UTP20: variants seen among roughly 807,000 people sequenced by gnomAD.
The protein encoded by UTP20 is UTP20 small subunit processome component.
In UTP20, 164 loss-of-function variants were observed where a neutral mutation model predicts 329.5. That is an observed-to-expected ratio of 0.50 (90% CI 0.44 to 0.57). The LOEUF is 0.57. Ranked by LOEUF, UTP20 falls within the 20% of genes least tolerant of loss-of-function variation. The pLI, the probability that UTP20 is intolerant of heterozygous loss-of-function variation, is 0.00. For synonymous variants in UTP20, 1,151 were observed against 1,159.3 expected, an observed-to-expected ratio of 0.99 and a Z score of 0.14; for missense variants, 3,055 against 3,284.2, an observed-to-expected ratio of 0.93 and a Z score of 1.71.
chr12:101,313,545 T>G (rs1163883536), intron 21 of UTP20, among the ~76,000 whole-genome samples: 1 of 151,944 alleles, frequency 6.6e-6, no homozygotes, highest in East Asian at 1.9e-4. Flanking sequence ...GAGAGACCAG[T>G]CATGAGGAGA....
chr12:101,297,596 G>A (rs1367620769), intron 12 of UTP20, among the ~76,000 whole-genome samples: 3 of 152,178 alleles, frequency 2.0e-5, no homozygotes, highest in Non-Finnish European at 4.4e-5. Context: ...AATCTTGTTG[G>A]TTTTTAAATG....
At chr12:101,341,345 A>C (rs1869128731) in intron 32 of UTP20, among the ~76,000 whole-genome samples, 1 of 152,116 alleles carries the variant, frequency 6.6e-6, no homozygotes. Context: ...TAATATTCAG[A>C]CACAGCTAAG....
In UTP20 at chr12:101,342,870, A is replaced by G. The variant is rs766007508; in HGVS notation, c.4296+33A>G. On this transcript the variant is annotated intron_variant, in intron 34 of 61. Coordinates refer to ENST00000261637, the MANE Select transcript of UTP20 (RefSeq NM_014503.3). ...AGAAGGGTTTCTCTTTGGCTTCAAAAGTATTATCATTTTTGTTTACTGAAG... is the reference window on the plus strand; with the variant it reads ...AGAAGGGTTTCTCTTTGGCTTCAAAGGTATTATCATTTTTGTTTACTGAAG... The G allele has an allele frequency of 3.7e-6, 6 of 1,610,362 alleles. No individual in the cohort carries two copies. In the East Asian group the frequency reaches 1.1e-4, roughly 30 times the overall value.
rs1316684191 is a variant in UTP20, at chr12:101,286,190, AT to A, written c.327-126del. ...ATCTTAAGATTTAAAGAATTTTATA[AT>A]TTTTCAGACTTGATTTAGAAGTATT... On this transcript the variant is annotated intron_variant, in intron 4 of 61. Transcript: ENST00000261637. The A allele has an allele frequency of 5.4e-6, 5 of 920,750 alleles. No homozygotes were observed. The African/African-American group carries it at 8.4e-5, about 16-fold the overall frequency. The allele number at this position is 920,750 out of a possible 1,614,324, so 57.0% of individuals were successfully genotyped here.
chr12:101,341,095 C>T (rs1869117241), intron 32 of UTP20, among the ~76,000 whole-genome samples: 1 of 151,522 alleles, frequency 6.6e-6, no homozygotes. Context: ...CCTGCCTCAG[C>T]CTCCCAAGTA....
At position 101,365,571 on chromosome 12, in the gene UTP20, T is replaced by C. The variant is rs1565805774; in HGVS notation, c.6071T>C (p.Leu2024Ser). ...GAAATGACAGCTGAATCCATTCTAT[T>C]ACTCAGTTATGGTTTGATCAGTGAA... ...NQEMTAESIL[L>S]LSYGLISENL... The change falls in exon 46 of 62, where the codon TTA becomes TCA. Residue 2024 changes from leucine to serine, a missense_variant. Around this residue, in one of 3 missense-constraint regions of UTP20, gnomAD observed 2,445 missense variants for 2,575.5 expected, o/e 0.95. Coordinates refer to ENST00000261637, the MANE Select transcript of UTP20 (RefSeq NM_014503.3). The C allele has an allele frequency of 1.2e-6, 2 of 1,612,126 alleles. No homozygotes were observed. Among genetic ancestry groups the C allele is most frequent in the East Asian group, 2.2e-5 (1 of 44,796 alleles).
chr12:101,321,656 T>C (rs1482327754), intron 25 of UTP20, 27 bp downstream of exon 25: 1 of 1,606,194 alleles, frequency 6.2e-7, no homozygotes, highest in Admixed American at 1.7e-5. Flanking sequence ...AACACTGATT[T>C]TTAAAAAGTT....
chr12:101,352,235 T>C, intron 39 of UTP20, 41 bp downstream of exon 39: 1 of 1,580,672 alleles, frequency 6.3e-7, no homozygotes, highest in Admixed American at 1.9e-5. Flanking sequence ...TTTTTAAATG[T>C]AATTTATGGC....
intron 48 of UTP20, among the ~76,000 whole-genome samples, chr12:101,369,010 A>C (rs546703108): frequency 6.6e-6 from 1 of 152,374 alleles, no homozygotes; most frequent in Admixed American, 6.5e-5. Flanking sequence ...TTAGAGGTTC[A>C]GGGATCTCAG....
chr12:101,311,641 CTCT>C (rs1411719749), intron 19 of UTP20, 75 bp from the exon 20 acceptor site: 2 of 1,234,126 alleles, frequency 1.6e-6, no homozygotes, highest in Non-Finnish European at 2.2e-6. Context: ...TATCCTTTCA[CTCT>C]TTTTTTTTTT....
intron 47 of UTP20, among the ~76,000 whole-genome samples, chr12:101,367,239 C>T (rs563885087): frequency 2.6e-5 from 4 of 152,104 alleles, no homozygotes; most frequent in Admixed American, 2.0e-4. Flanking sequence ...GAGCTATTAA[C>T]GCACCACTGC....
rs766527812 is a variant in UTP20, at chr12:101,363,788, C to T, written c.5958+45C>T. 12 of 1,306,628 alleles carry T rather than the reference C, an allele frequency of 9.2e-6. No homozygotes were observed. The Admixed American group carries it at 1.6e-4, about 17-fold the overall frequency. 80.9% of individuals were successfully genotyped at this position (1,306,628 alleles called of 1,614,324 possible). A position where few individuals can be genotyped will look rare whatever the true frequency, so the allele number is the denominator to read the frequency against. On this transcript the variant is annotated intron_variant, in intron 45 of 61. Transcript: ENST00000261637. Reference sequence around the variant, plus strand: ...TCTGGAGATCACAGCATTACAATCTCATGAGTTCCTAAAAGGAACCATGCG... The same window carrying T: ...TCTGGAGATCACAGCATTACAATCTTATGAGTTCCTAAAAGGAACCATGCG...
In UTP20 at chr12:101,333,460, T is replaced by C; in HGVS notation, c.3561+16T>C. 1 of 1,612,068 alleles carries C rather than the reference T, an allele frequency of 6.2e-7. No individual in the cohort carries two copies. Among genetic ancestry groups the C allele is most frequent in the Non-Finnish European group, 8.5e-7 (1 of 1,179,366 alleles). On this transcript the variant is annotated intron_variant, in intron 28 of 61. Transcript: ENST00000261637. ...TTGGCCCCAGGTAAACCTCAATTTC[T>C]ACATCTGCCTATGTACGTTCTGCTT... is the stretch of plus-strand genomic sequence containing the variant.
chr12:101,306,957 A>G, intron 17 of UTP20, among the ~76,000 whole-genome samples, 196 bp downstream of exon 17: 1 of 152,052 alleles, frequency 6.6e-6, no homozygotes, highest in East Asian at 1.9e-4. Flanking sequence ...GCGGATCACA[A>G]GGCCAGGAGA....
At chr12:101,358,966 G>T (rs1343397553) in intron 43 of UTP20, among the ~76,000 whole-genome samples, 1 of 152,154 alleles carries the variant, frequency 6.6e-6, no homozygotes, top group Non-Finnish European at 1.5e-5. Flanking sequence ...TGATCATGAT[G>T]TGTCTAAGTG....
chr12:101,328,699 A>T (rs180861191), intron 26 of UTP20, among the ~76,000 whole-genome samples: 1 of 151,850 alleles, frequency 6.6e-6, no homozygotes, highest in East Asian at 1.9e-4. Flanking sequence ...TGAAACTCCA[A>T]CTCTACTAAA....
At chr12:101,310,121 T>C (rs1260057514) in intron 19 of UTP20, among the ~76,000 whole-genome samples, 2 of 152,220 alleles carry the variant, frequency 1.3e-5, no homozygotes, top group African/African-American at 4.8e-5. Flanking sequence ...TTTTGTGTTA[T>C]TAAAATTTGT....
At chr12:101,317,764 T>C in intron 22 of UTP20, 101 bp downstream of exon 22, 1 of 1,248,682 alleles carries the variant, frequency 8.0e-7, no homozygotes, top group Non-Finnish European at 1.1e-6. Flanking sequence ...CAGATAATTA[T>C]TTACGTAAGC....
intron 23 of UTP20, among the ~76,000 whole-genome samples, chr12:101,320,428 T>G (rs1023695701): frequency 2.0e-5 from 3 of 151,894 alleles, no homozygotes; most frequent in Non-Finnish European, 4.4e-5. Flanking sequence ...TGGTGGTGGG[T>G]GCCTGTGGTT....
Sources: allele counts gnomAD v4.1 joint callset (sites outside exome capture counted in the v4.1 genomes callset), GRCh38; gene constraint gnomAD v4.1.1; regional missense constraint gnomAD v4.1.1; transcripts MANE v1.5; gene names NCBI Gene and HGNC (gene_info 2026-07-23, HGNC 2026-07-21).